Variants in HSPA4L observed in about 807,000 individuals in gnomAD.
HSPA4L encodes heat shock 70 kDa protein 4L.
In HSPA4L, 48 loss-of-function variants were observed where a neutral mutation model predicts 100.3. The ratio of observed to expected loss-of-function variants is 0.48; its 90% CI spans 0.38 to 0.61. The LOEUF (loss-of-function observed/expected upper bound fraction) is 0.61. HSPA4L is among the 20% of genes least tolerant of loss of function. The pLI, the probability that HSPA4L is intolerant of heterozygous loss-of-function variation, is 0.00. For synonymous variants in HSPA4L, 319 were observed against 328.2 expected, an observed-to-expected ratio of 0.97 and a Z score of 0.30; for missense variants, 886 against 988.6, an observed-to-expected ratio of 0.90 and a Z score of 1.39.
intron 1 of HSPA4L, among the ~76,000 whole-genome samples, chr4:127,784,534 G>A (rs1165189854): frequency 1.3e-5 from 2 of 152,226 alleles, no homozygotes; most frequent in African/African-American, 2.4e-5. Flanking sequence ...TAGATTTAAT[G>A]AGCCTAATCT....
rs1287049993 is a variant in HSPA4L, at chr4:127,835,287, G to T, written c.*2413G>T. The T allele has an allele frequency of 2.0e-5, 3 of 152,232 alleles. No homozygotes were observed. The highest frequency in any genetic ancestry group is 4.4e-5 in the Non-Finnish European group (3 of 68,044). 9.4% of individuals were successfully genotyped at this position (152,232 alleles called of 1,614,324 possible). On this transcript the variant is annotated 3_prime_UTR_variant, in exon 19 of 19. Coordinates refer to ENST00000296464, the MANE Select transcript of HSPA4L (RefSeq NM_014278.4). ...ATATAAATTAGTATACTTTGGCTCT[G>T]TGGAAAAGTGTAAATTGTGGTTTTA... is the stretch of plus-strand genomic sequence containing the variant.
rs1733090294 is a variant in HSPA4L at position 127,798,667 on chromosome 4, A to G, written c.387A>G (p.Ser129=). ...TGTTAGCCAAGCTTAAAGAGACTTC[A>G]GAAAATGCTTTGAAGAAACCAGTGG... is the stretch of plus-strand genomic sequence containing the variant. ...GMLLAKLKET[S]ENALKKPVAD... The change falls in exon 4 of 19, where the codon TCA becomes TCG. Residue 129 remains serine, a synonymous_variant. Transcript: ENST00000296464. 1.2e-6 allele frequency: 2 copies of G among 1,613,826 alleles called. No homozygotes were observed. Among genetic ancestry groups the G allele is most frequent in the Non-Finnish European group, 1.7e-6 (2 of 1,179,808 alleles).
chr4:127,806,860 T>C (rs750489760), intron 10 of HSPA4L, among the ~76,000 whole-genome samples: 12 of 151,996 alleles, frequency 7.9e-5, no homozygotes, highest in African/African-American at 2.4e-4. Flanking sequence ...TTCAAAAATA[T>C]GGATTTTCAG....
chr4:127,824,855 G>A (rs1367473215), intron 16 of HSPA4L, among the ~76,000 whole-genome samples: 1 of 152,132 alleles, frequency 6.6e-6, no homozygotes, highest in Non-Finnish European at 1.5e-5. Flanking sequence ...GTTTATATTG[G>A]GCTGGGCGCA....
chr4:127,824,856 G>A (rs1733902211), intron 16 of HSPA4L, among the ~76,000 whole-genome samples: 1 of 152,200 alleles, frequency 6.6e-6, no homozygotes, highest in South Asian at 2.1e-4. Flanking sequence ...TTTATATTGG[G>A]CTGGGCGCAG....
At chr4:127,824,312 G>GAT (rs1733889819) in intron 16 of HSPA4L, among the ~76,000 whole-genome samples, 1 of 152,164 alleles carries the variant, frequency 6.6e-6, no homozygotes, top group Non-Finnish European at 1.5e-5. Context: ...ATGGAGTTTA[G>GAT]ATATCTCTTT....
chr4:127,824,831 T>A (rs1733901116), intron 16 of HSPA4L, among the ~76,000 whole-genome samples: 1 of 152,194 alleles, frequency 6.6e-6, no homozygotes, highest in South Asian at 2.1e-4. Flanking sequence ...AAAAAGTACC[T>A]TAAAAGATTA....
chr4:127,791,109 A>G lies in HSPA4L; in HGVS notation c.108-2968A>G, dbSNP rs187291717. Among the ~76,000 whole-genome samples, 281 of 152,352 alleles carry G rather than the reference A, an allele frequency of 1.8e-3. 3 individuals are homozygous for G. The highest frequency in any genetic ancestry group is 6.6e-3 in the African/African-American group (276 of 41,590). On this transcript the variant is annotated intron_variant, in intron 1 of 18. Coordinates refer to ENST00000296464, the MANE Select transcript of HSPA4L (RefSeq NM_014278.4). Reference sequence around the variant, plus strand: ...GAGCAAGACCCTGTCTCCAAAAAAAAAAAGTTCCAATAATTAAAAAGGCAA... The same window carrying G: ...GAGCAAGACCCTGTCTCCAAAAAAAGAAAGTTCCAATAATTAAAAAGGCAA...
At chr4:127,814,687 C>G (rs1733626856) in intron 12 of HSPA4L, among the ~76,000 whole-genome samples, 1 of 152,132 alleles carries the variant, frequency 6.6e-6, no homozygotes, top group Admixed American at 6.5e-5. Flanking sequence ...CCTGCCTCAG[C>G]CTTCTAGTAG....
rs1355601579 is a variant in HSPA4L, at chr4:127,839,865, G to A, written c.*6991G>A. The A allele has an allele frequency of 6.6e-6, 1 of 152,098 alleles. No homozygotes were observed. The highest frequency in any genetic ancestry group is 1.5e-5 in the Non-Finnish European group (1 of 68,018). The allele number at this position is 152,098 out of a possible 1,614,324, so 9.4% of individuals were successfully genotyped here. A position where few individuals can be genotyped will look rare whatever the true frequency, so the allele number is the denominator to read the frequency against. On this transcript the variant is annotated 3_prime_UTR_variant, in exon 19 of 19. Transcript: ENST00000296464. The stretch of plus-strand genomic sequence containing the variant: ...AAAGCCATTGTCCTTTAATACCATA[G>A]CAAATAGAAGCAATTTTTAATGAGG...
At chr4:127,789,379 G>A (rs1387812092) in intron 1 of HSPA4L, among the ~76,000 whole-genome samples, 1 of 152,184 alleles carries the variant, frequency 6.6e-6, no homozygotes, top group Non-Finnish European at 1.5e-5. Context: ...GGGCACGGTG[G>A]CTCACGCCTG....
intron 12 of HSPA4L, 106 bp downstream of exon 12, chr4:127,811,742 T>A: frequency 1.2e-6 from 1 of 826,676 alleles, no homozygotes. Context: ...TCTGAGGTTT[T>A]GCTTTGATTT....
At chr4:127,801,064 A>C (rs1733160381) in intron 4 of HSPA4L, 74 bp from the exon 5 acceptor site, 2 of 1,061,936 alleles carry the variant, frequency 1.9e-6, no homozygotes, top group African/African-American at 3.2e-5. Context: ...CATAAGTTTT[A>C]GGGTAATTAT....
At position 127,840,440 on chromosome 4, in the gene HSPA4L, T is replaced by A. The variant is rs1734340340; in HGVS notation, c.*7566T>A. 2 of 152,176 alleles carry A rather than the reference T, an allele frequency of 1.3e-5. No individual in the cohort carries two copies. The highest frequency in any genetic ancestry group is 4.1e-4 in the South Asian group (2 of 4,828). 9.4% of individuals were successfully genotyped at this position (152,176 alleles called of 1,614,324 possible). ...AGTGTGATGTTTCTATAAAAATAAT[T>A]GAGATTCACATGTAATAGACCCTTT... On this transcript the variant is annotated 3_prime_UTR_variant, in exon 19 of 19. Coordinates refer to ENST00000296464, the MANE Select transcript of HSPA4L (RefSeq NM_014278.4).
intron 3 of HSPA4L, among the ~76,000 whole-genome samples, chr4:127,798,033 C>T (rs1464713095): frequency 6.6e-6 from 1 of 152,060 alleles, no homozygotes; most frequent in Non-Finnish European, 1.5e-5. Context: ...TTTGAATTTA[C>T]TTGTAAATAG....
At chr4:127,803,508 A>G in intron 6 of HSPA4L, 121 bp from the exon 7 acceptor site, 2 of 933,634 alleles carry the variant, frequency 2.1e-6, no homozygotes, top group Non-Finnish European at 3.1e-6. Flanking sequence ...CACCCCTGTG[A>G]TTGGACAAGT....
chr4:127,821,654 T>C (rs1733816964), intron 14 of HSPA4L, among the ~76,000 whole-genome samples: 1 of 152,120 alleles, frequency 6.6e-6, no homozygotes, highest in Admixed American at 6.5e-5. Context: ...CCCTTTGGAT[T>C]TGGATCCAGG....
intron 1 of HSPA4L, among the ~76,000 whole-genome samples, chr4:127,790,631 T>C (rs1732848082): frequency 6.6e-6 from 1 of 152,220 alleles, no homozygotes. Flanking sequence ...TTTGCTTGGA[T>C]GCCTCAAACT....
At position 127,782,388 on chromosome 4, in the gene HSPA4L, G is replaced by A; in HGVS notation, c.-163G>A. 1.6e-6 allele frequency: 1 copy of A among 621,852 alleles called. No homozygotes were observed. Among genetic ancestry groups the A allele is most frequent in the Non-Finnish European group, 2.9e-6 (1 of 342,102 alleles). The allele number at this position is 621,852 out of a possible 1,614,324, so 38.5% of individuals were successfully genotyped here. On this transcript the variant is annotated 5_prime_UTR_variant, in exon 1 of 19. Coordinates refer to ENST00000296464, the MANE Select transcript of HSPA4L (RefSeq NM_014278.4). The stretch of plus-strand genomic sequence containing the variant: ...GGCGCTGACGGCCTCTGCTCCTTCC[G>A]CGGGTTTCCGACTCCCTGCCCTAGA...
Sources: allele counts gnomAD v4.1 joint callset (sites outside exome capture counted in the v4.1 genomes callset), GRCh38; gene constraint gnomAD v4.1.1; transcripts MANE v1.5; gene names NCBI Gene and HGNC (gene_info 2026-07-23, HGNC 2026-07-21).